Variants in ANK1 observed in about 807,000 individuals in gnomAD.
ANK1 encodes the protein ankyrin 1.
Under a neutral mutation model 210.4 loss-of-function variants are expected in ANK1, and 51 were observed. The ratio of observed to expected loss-of-function variants is 0.24; its 90% confidence interval spans 0.19 to 0.31. The LOEUF (loss-of-function observed/expected upper bound fraction) is 0.31, where lower values mean the gene tolerates loss of function less well. Among genes scored for constraint, ANK1 ranks in the 10% least tolerant of loss-of-function variants. ANK1 has a pLI of 1.00. For synonymous variants in ANK1, 967 were observed against 1,025.9 expected (o/e 0.94, Z 1.10); for missense variants, 2,051 against 2,504.4 (o/e 0.82, Z 3.86).
intron 1 of ANK1, among the ~76,000 whole-genome samples, chr8:41,769,970 C>CTT (rs869176684): frequency 8.4e-5 from 8 of 94,760 alleles, no homozygotes; most frequent in African/African-American, 2.1e-4. Flanking sequence ...TTTTTTTTTT[C>CTT]TTTTTTCTTT....
intron 2 of ANK1, among the ~76,000 whole-genome samples, chr8:41,741,398 C>A (rs1345277796): frequency 6.6e-6 from 1 of 152,102 alleles, no homozygotes; most frequent in African/African-American, 2.4e-5. Flanking sequence ...TCCAGACACA[C>A]TGGCCCACAC....
At chr8:41,688,665 C>G in intron 33 of ANK1, 76 bp from the exon 34 acceptor site, 1 of 1,366,990 alleles carries the variant, frequency 7.3e-7, no homozygotes, top group Non-Finnish European at 1.0e-6. Flanking sequence ...AGCTCCTATG[C>G]TGCAGGGGTG....
At chr8:41,663,874 G>T in intron 39 of ANK1, 132 bp from the exon 40 acceptor site, 1 of 776,062 alleles carries the variant, frequency 1.3e-6, no homozygotes, top group Non-Finnish European at 2.2e-6. Context: ...AGGAAACCCG[G>T]CTCAGCATGT....
At chr8:41,888,048 C>T (rs1159839946) in intron 1 of ANK1, among the ~76,000 whole-genome samples, 2 of 152,242 alleles carry the variant, frequency 1.3e-5, no homozygotes, top group Non-Finnish European at 2.9e-5. Flanking sequence ...TGTTCCAGGG[C>T]CTAGCTGGAG....
chr8:41,716,833 G>T, intron 13 of ANK1, 120 bp downstream of exon 13: 2 of 1,018,092 alleles, frequency 2.0e-6, no homozygotes, highest in Non-Finnish European at 3.1e-6. Flanking sequence ...ACCTGATCAG[G>T]ATGAAAAGTG....
chr8:41,892,358 C>T (rs929522522), intron 1 of ANK1, among the ~76,000 whole-genome samples: 10 of 152,174 alleles, frequency 6.6e-5, no homozygotes, highest in African/African-American at 2.4e-4. Flanking sequence ...TCGGTTACTG[C>T]TGCATAGACT....
intron 36 of ANK1, 51 bp downstream of exon 36, chr8:41,686,101 T>A (rs1266030829): frequency 3.8e-5 from 62 of 1,613,444 alleles, no homozygotes; most frequent in Non-Finnish European, 5.3e-5. Context: ...AAGAACTAGT[T>A]TGGTGGGGAG....
At chr8:41,843,407 A>T (rs1378706703) in intron 1 of ANK1, among the ~76,000 whole-genome samples, 2 of 75,848 alleles carry the variant, frequency 2.6e-5, no homozygotes, top group African/African-American at 5.0e-5. Flanking sequence ...CCCCCCACCC[A>T]CTCCCCGCCC....
intron 9 of ANK1, among the ~76,000 whole-genome samples, chr8:41,720,616 C>T (rs1293133111): frequency 6.6e-6 from 1 of 152,112 alleles, no homozygotes; most frequent in African/African-American, 2.4e-5. Context: ...CCCAAGGAAG[C>T]TTGTAGACAG....
chr8:41,685,759 AGAG>A (rs1817536393), intron 36 of ANK1, among the ~76,000 whole-genome samples: 1 of 152,186 alleles, frequency 6.6e-6, no homozygotes, highest in Non-Finnish European at 1.5e-5. Context: ...CTCAGCCTCC[AGAG>A]TAGTTGGGAC....
chr8:41,714,053 C>T (rs532192773), intron 16 of ANK1, 103 bp downstream of exon 16: 76 of 813,044 alleles, frequency 9.3e-5, no homozygotes, highest in Admixed American at 1.7e-4. Context: ...AGCAACAGAA[C>T]GCAAAACCCT....
chr8:41,814,428 A>C (rs1803002921), intron 1 of ANK1, among the ~76,000 whole-genome samples: 1 of 151,580 alleles, frequency 6.6e-6, no homozygotes, highest in Non-Finnish European at 1.5e-5. Flanking sequence ...ATTCTGCTTC[A>C]TGTTATTAGC....
chr8:41,714,263 G>T lies in ANK1; in HGVS notation c.1702-9C>A. The T allele has an allele frequency of 6.5e-7, 1 of 1,542,246 alleles. No individual in the cohort carries two copies. The highest frequency in any genetic ancestry group is 8.8e-7 in the Non-Finnish European group (1 of 1,136,124). On this transcript the variant is annotated splice_polypyrimidine_tract_variant and intron_variant, in intron 15 of 42. Transcript: ENST00000289734. ...AGGGGGGTCAGGCCATTCTGCAGGG[G>T]ACAAAGACAAAAGAGGCCGGCTGTC...
intron 7 of ANK1, 76 bp downstream of exon 7, chr8:41,724,380 A>C (rs1830139430): frequency 7.8e-7 from 1 of 1,286,462 alleles, no homozygotes; most frequent in Non-Finnish European, 1.1e-6. Context: ...CTGGGATGAA[A>C]CCCATGGTGC....
chr8:41,852,362 T>C (rs1297096730), intron 1 of ANK1, among the ~76,000 whole-genome samples: 6 of 152,184 alleles, frequency 3.9e-5, no homozygotes, highest in Admixed American at 2.6e-4. Context: ...GTGTGAAAAC[T>C]AGGAGGCCCC....
chr8:41,684,917 T>C (rs112841670), intron 36 of ANK1, among the ~76,000 whole-genome samples: 1 of 152,150 alleles, frequency 6.6e-6, no homozygotes, highest in African/African-American at 2.4e-5. Context: ...TTTTATTTAT[T>C]GGTCTCTGTT....
chr8:41,733,901 TG>T, intron 3 of ANK1, 69 bp downstream of exon 3: 1 of 1,255,764 alleles, frequency 8.0e-7, no homozygotes, highest in Non-Finnish European at 1.2e-6. Context: ...CATGAAGGAC[TG>T]GTTTCTAAGG....
At chr8:41,746,990 C>T (rs1458200549) in intron 2 of ANK1, among the ~76,000 whole-genome samples, 2 of 152,078 alleles carry the variant, frequency 1.3e-5, no homozygotes, top group Non-Finnish European at 2.9e-5. Flanking sequence ...TGCTGCTTTG[C>T]AATGACAAAA....
At chr8:41,762,045 T>C (rs1370023020) in intron 1 of ANK1, among the ~76,000 whole-genome samples, 2 of 152,198 alleles carry the variant, frequency 1.3e-5, no homozygotes, top group East Asian at 3.9e-4. Flanking sequence ...AGGTCCCACA[T>C]GGGCCCCCTA....
Sources: gnomAD v4.1 joint callset for allele counts (sites outside exome capture counted in the v4.1 genomes callset) on GRCh38, gnomAD v4.1.1 for gene constraint, MANE v1.5 for transcripts, NCBI Gene and HGNC (gene_info 2026-07-23, HGNC 2026-07-21) for gene names.